The following CDK14 variants were observed in gnomAD, a reference collection of about 807,000 sequenced individuals.
CDK14 encodes the protein cyclin dependent kinase 14.
Under a neutral mutation model 60.7 loss-of-function variants are expected in CDK14, and 34 were observed. The ratio of observed to expected loss-of-function variants is 0.56; its 90% CI spans 0.43 to 0.75. The LOEUF (loss-of-function observed/expected upper bound fraction) is 0.75, where lower values mean the gene tolerates loss of function less well. Ranked by LOEUF, CDK14 falls within the 30% of genes least tolerant of loss-of-function variation. CDK14 has a pLI of 0.00. For synonymous variants in CDK14, 197 were observed against 203.7 expected (o/e 0.97, Z 0.28); for missense variants, 482 against 564.1 (o/e 0.85, Z 1.47).
chr7:90,758,324 C>G (rs1292799826), intron 4 of CDK14, among the ~76,000 whole-genome samples: 2 of 151,962 alleles, frequency 1.3e-5, no homozygotes, highest in Non-Finnish European at 2.9e-5. Flanking sequence ...TGGCAGTTAT[C>G]ATTACTTCTG....
At position 90,782,187 on chromosome 7, in the gene CDK14, T is replaced by C. The variant is rs926113785; in HGVS notation, c.465-8386T>C. ...TTATTCTCTTTGAAGCAATTGTGAATGGGAGTTCACTCATGATTTGGCTCT... is the reference window on the plus strand; with the variant it reads ...TTATTCTCTTTGAAGCAATTGTGAACGGGAGTTCACTCATGATTTGGCTCT... On this transcript the variant is annotated intron_variant, in intron 4 of 14. Transcript: ENST00000380050. Among the ~76,000 whole-genome samples the C allele has an allele frequency of 2.0e-5, 3 of 152,156 alleles. No homozygotes were observed. The East Asian group carries it at 5.8e-4, about 29-fold the overall frequency.
chr7:91,129,594 G>A (rs756774871), intron 14 of CDK14, among the ~76,000 whole-genome samples: 7 of 152,078 alleles, frequency 4.6e-5, no homozygotes, highest in Admixed American at 6.6e-5. Flanking sequence ...AAGAATGACT[G>A]ACAGGAAAAA....
chr7:90,729,372 C>CTT (rs1334959163), intron 3 of CDK14, among the ~76,000 whole-genome samples: 1 of 93,546 alleles, frequency 1.1e-5, no homozygotes, highest in South Asian at 3.8e-4. Flanking sequence ...TTTTTTTTTT[C>CTT]CCCACTCATC....
intron 5 of CDK14, among the ~76,000 whole-genome samples, chr7:90,803,069 T>A (rs565066161): frequency 1.3e-5 from 2 of 151,472 alleles, no homozygotes; most frequent in Admixed American, 1.3e-4. Flanking sequence ...GGATAGGGAA[T>A]ATTGGTTGGC....
intron 6 of CDK14, among the ~76,000 whole-genome samples, chr7:90,866,010 C>G (rs1214667536): frequency 6.6e-6 from 1 of 152,062 alleles, no homozygotes; most frequent in Non-Finnish European, 1.5e-5. Context: ...TTTCCATAAC[C>G]TTCCTTTATT....
intron 11 of CDK14, among the ~76,000 whole-genome samples, chr7:91,054,500 T>C (rs1282496970): frequency 6.6e-6 from 1 of 152,120 alleles, no homozygotes; most frequent in Non-Finnish European, 1.5e-5. Context: ...ATGTGAACAT[T>C]ATAAAGCTAA....
chr7:90,703,711 G>C (rs1801837240), intron 2 of CDK14, among the ~76,000 whole-genome samples: 1 of 152,156 alleles, frequency 6.6e-6, no homozygotes, highest in South Asian at 2.1e-4. Flanking sequence ...CTGAGATGCA[G>C]ACAAATTATT....
chr7:90,974,807 A>G (rs565233141), intron 9 of CDK14, among the ~76,000 whole-genome samples: 1 of 152,274 alleles, frequency 6.6e-6, no homozygotes, highest in Non-Finnish European at 1.5e-5. Flanking sequence ...ATCCATATTT[A>G]GTTGAAAGAT....
At chr7:90,808,880 A>G (rs564953818) in intron 5 of CDK14, among the ~76,000 whole-genome samples, 359 of 152,338 alleles carry the variant, frequency 2.4e-3, no homozygotes, top group African/African-American at 8.3e-3. Flanking sequence ...AGACCATTAC[A>G]TAATGAATGG....
At chr7:90,785,060 G>A (rs534022210) in intron 4 of CDK14, among the ~76,000 whole-genome samples, 4 of 152,038 alleles carry the variant, frequency 2.6e-5, no homozygotes, top group Admixed American at 6.6e-5. Context: ...GACCAATACC[G>A]CAAGGAAACG....
chr7:91,191,724 GTCT>G (rs1802370223), intron 14 of CDK14, among the ~76,000 whole-genome samples: 2 of 151,954 alleles, frequency 1.3e-5, no homozygotes, highest in Admixed American at 6.6e-5. Flanking sequence ...ATGAGGAATG[GTCT>G]TCTTGCATTT....
Position 90,750,189 on chromosome 7 carries a change from CACACACACACA to C in CDK14, c.464+2415_464+2425del, listed in dbSNP as rs1562752153. 3.5e-4 allele frequency among the ~76,000 whole-genome samples: 36 copies of C among 103,608 alleles called. 2 individuals are homozygous for C. In the South Asian group the frequency reaches 0.012, roughly 34 times the overall value. 68.0% of individuals were successfully genotyped at this position (103,608 alleles called of 152,430 possible). A position where few individuals can be genotyped will look rare whatever the true frequency, so the allele number is the denominator to read the frequency against. ...ACACACACACACACACACACACACA[CACACACACACA>C]CCAATAATATTACAGAGAAAGAAAA... On this transcript the variant is annotated intron_variant, in intron 4 of 14. Transcript: ENST00000380050.
At chr7:91,142,514 TAAG>T (rs1213061218) in intron 14 of CDK14, among the ~76,000 whole-genome samples, 9 of 152,382 alleles carry the variant, frequency 5.9e-5, no homozygotes, top group Non-Finnish European at 1.3e-4. Flanking sequence ...CCTTTTGTTG[TAAG>T]AAGAATTGAC....
chr7:90,741,572 A>G (rs1425295069), intron 3 of CDK14, among the ~76,000 whole-genome samples: 2 of 152,190 alleles, frequency 1.3e-5, no homozygotes, highest in African/African-American at 4.8e-5. Context: ...CCTGTTTTCT[A>G]CAATCTCTGT....
At chr7:90,755,638 AT>A (rs1238992561) in intron 4 of CDK14, among the ~76,000 whole-genome samples, 2 of 152,172 alleles carry the variant, frequency 1.3e-5, no homozygotes, top group African/African-American at 2.4e-5. Context: ...CTTAAAAAGT[AT>A]TTTTTTAAGA....
In CDK14 at chr7:90,963,086, AGT is replaced by A. The variant is rs34662049; in HGVS notation, c.947+7306_947+7307del. On this transcript the variant is annotated intron_variant, in intron 9 of 14. Transcript: ENST00000380050. ...TGGCCCAGGATATTCTCATCTTAAG[AGT>A]GTGTGTGTGTGTGTGTGTGTGTGTG... 4.7e-3 allele frequency among the ~76,000 whole-genome samples: 668 copies of A among 142,148 alleles called. 1 individual carries two copies. Among genetic ancestry groups the A allele is most frequent in the East Asian group, 0.027 (121 of 4,492 alleles). The allele number at this position is 142,148 out of a possible 152,430, so 93.3% of individuals were successfully genotyped here.
chr7:90,605,922 C>T (rs1799407515), intron 2 of CDK14, among the ~76,000 whole-genome samples: 1 of 152,146 alleles, frequency 6.6e-6, no homozygotes. Flanking sequence ...AGGCTGGAGC[C>T]CAGCTGAAGG....
rs759496595 is a variant in CDK14, at chr7:90,704,188, A to T, written c.124-22379A>T. Among the ~76,000 whole-genome samples the T allele has an allele frequency of 1.6e-4, 24 of 152,340 alleles. No individual in the cohort carries two copies. The Middle Eastern group carries it at 0.014, about 87-fold the overall frequency. ...TAGTCTGCATCTACCAGTTTCTGTT[A>T]TAGAGTCATAATTGTCAACTTTACA... On this transcript the variant is annotated intron_variant, in intron 2 of 14. Transcript: ENST00000380050.
chr7:91,191,429 T>C (rs1408447167), intron 14 of CDK14, among the ~76,000 whole-genome samples: 1 of 152,056 alleles, frequency 6.6e-6, no homozygotes. Context: ...AGTCCAGTGT[T>C]TTTGTTAAAC....
Sources: allele counts gnomAD v4.1 joint callset (sites outside exome capture counted in the v4.1 genomes callset), GRCh38; gene constraint gnomAD v4.1.1; transcripts MANE v1.5; gene names NCBI Gene and HGNC (gene_info 2026-07-23, HGNC 2026-07-21).